Variants in PTPRM observed in about 807,000 individuals in gnomAD.
The protein encoded by PTPRM is protein tyrosine phosphatase receptor type M, also known as receptor-type tyrosine-protein phosphatase mu.
Under a neutral mutation model 186.7 loss-of-function variants are expected in PTPRM, and 47 were observed. The observed-to-expected ratio is 0.25, with a 90% CI of 0.20 to 0.32. PTPRM has a LOEUF of 0.32. PTPRM is among the 10% of genes least tolerant of loss of function. The pLI is 1.00. For synonymous variants in PTPRM, 668 were observed against 674.9 expected (o/e 0.99, Z 0.16); for missense variants, 1,494 against 1,865.0 (o/e 0.80, Z 3.66).
chr18:8,345,710 A>T (rs541768122), intron 23 of PTPRM, among the ~76,000 whole-genome samples: 1 of 151,654 alleles, frequency 6.6e-6, no homozygotes, highest in Admixed American at 6.6e-5. Context: ...AATTATTCTA[A>T]GAGAACAGAA....
chr18:7,768,205 A>G (rs944423545), intron 1 of PTPRM, among the ~76,000 whole-genome samples: 2 of 152,164 alleles, frequency 1.3e-5, no homozygotes, highest in Non-Finnish European at 2.9e-5. Context: ...TTGATTTCTA[A>G]AACATGTAGG....
chr18:8,051,483 A>G (rs1293594348), intron 7 of PTPRM, among the ~76,000 whole-genome samples: 1 of 152,152 alleles, frequency 6.6e-6, no homozygotes, highest in African/African-American at 2.4e-5. Context: ...CTTCATTTTT[A>G]TGTAAATTTT....
chr18:7,718,770 A>G (rs2040391720), intron 1 of PTPRM, among the ~76,000 whole-genome samples: 1 of 152,228 alleles, frequency 6.6e-6, no homozygotes, highest in South Asian at 2.1e-4. Context: ...ATGATTCTTA[A>G]AAGAAGATAT....
chr18:7,703,228 C>A (rs555239795), intron 1 of PTPRM, among the ~76,000 whole-genome samples: 1 of 151,998 alleles, frequency 6.6e-6, no homozygotes, highest in African/African-American at 2.4e-5. Context: ...TAGCTTGATG[C>A]GGATAGCATT....
chr18:8,337,732 T>A (rs1300543903), intron 22 of PTPRM, among the ~76,000 whole-genome samples: 1 of 152,146 alleles, frequency 6.6e-6, no homozygotes, highest in African/African-American at 2.4e-5. Flanking sequence ...CAAGGAGATG[T>A]GCAGGCTTTA....
chr18:7,856,464 G>A (rs1011633628), intron 2 of PTPRM, among the ~76,000 whole-genome samples: 1 of 152,142 alleles, frequency 6.6e-6, no homozygotes, highest in Non-Finnish European at 1.5e-5. Flanking sequence ...ACAGCAGGCC[G>A]GGTGCCATGG....
At chr18:8,116,858 A>G (rs1018109058) in intron 13 of PTPRM, among the ~76,000 whole-genome samples, 6 of 152,100 alleles carry the variant, frequency 3.9e-5, no homozygotes, top group Non-Finnish European at 7.4e-5. Flanking sequence ...CCCCACTCCT[A>G]TTTTCTGAGT....
intron 14 of PTPRM, among the ~76,000 whole-genome samples, chr18:8,242,081 G>C (rs143078822): frequency 0.013 from 1,999 of 152,274 alleles, 43 homozygotes; most frequent in African/African-American, 0.045. Context: ...AAGAAGCACA[G>C]TACCTGTCAT....
In PTPRM at chr18:7,949,293, G is replaced by A. The variant is rs1433442393; in HGVS notation, c.776G>A (p.Arg259His). ...NTTKRDAGKY[R>H]CMIRTEGGVG... The stretch of plus-strand genomic sequence containing the variant: ...ACCAAACGAGATGCTGGAAAGTACC[G>A]CTGCATGATTCGCACTGAAGGAGGT... Residue 259 changes from arginine (R) to histidine (H), a missense_variant, in exon 6 of 33, where the codon CGC (arginine) becomes CAC (histidine). By Grantham distance (29) the Arg-to-His change is conservative. Transcript: ENST00000580170. 1.9e-6 allele frequency: 3 copies of A among 1,613,940 alleles called. No individual in the cohort carries two copies. Among genetic ancestry groups the A allele is most frequent in the Admixed American group, 1.7e-5 (1 of 59,994 alleles).
intron 1 of PTPRM, among the ~76,000 whole-genome samples, chr18:7,731,289 A>G (rs1308479102): frequency 1.3e-5 from 2 of 152,104 alleles, no homozygotes; most frequent in African/African-American, 2.4e-5. Flanking sequence ...ACTGGTAATA[A>G]TCAATATCAG....
intron 1 of PTPRM, among the ~76,000 whole-genome samples, chr18:7,653,118 T>TTATTATTA (rs2038758650): frequency 6.9e-6 from 1 of 145,506 alleles, no homozygotes; most frequent in African/African-American, 2.5e-5. Flanking sequence ...CACTATGTAC[T>TTATTATTA]TTATTATTAT....
intron 2 of PTPRM, among the ~76,000 whole-genome samples, chr18:7,847,898 G>A (rs931680870): frequency 6.6e-6 from 1 of 152,204 alleles, no homozygotes; most frequent in Middle Eastern, 3.2e-3. Context: ...CCTCAAGGGA[G>A]TGGACACTAA....
At chr18:8,399,411 A>C (rs991313575) in intron 32 of PTPRM, among the ~76,000 whole-genome samples, 1 of 152,236 alleles carries the variant, frequency 6.6e-6, no homozygotes, top group African/African-American at 2.4e-5. Context: ...GGCCTCATCC[A>C]AACAGTGGCC....
At chr18:8,133,733 A>T (rs565758691) in intron 13 of PTPRM, among the ~76,000 whole-genome samples, 230 of 152,254 alleles carry the variant, frequency 1.5e-3, no homozygotes, top group African/African-American at 5.1e-3. Flanking sequence ...AGGGTGGCAT[A>T]ATATTAGGAA....
intron 14 of PTPRM, among the ~76,000 whole-genome samples, chr18:8,174,672 G>C (rs1035094245): frequency 2.0e-5 from 3 of 152,092 alleles, no homozygotes; most frequent in Non-Finnish European, 4.4e-5. Flanking sequence ...CTTGCTACCT[G>C]AGTAAGAATG....
At chr18:7,883,959 A>G (rs1373160504) in intron 2 of PTPRM, among the ~76,000 whole-genome samples, 1 of 151,970 alleles carries the variant, frequency 6.6e-6, no homozygotes, top group Non-Finnish European at 1.5e-5. Flanking sequence ...TGGGCAACAT[A>G]GTAAGACCCT....
At chr18:7,614,601 T>C (rs1281116462) in intron 1 of PTPRM, among the ~76,000 whole-genome samples, 1 of 152,196 alleles carries the variant, frequency 6.6e-6, no homozygotes, top group Non-Finnish European at 1.5e-5. Flanking sequence ...CCAATCTGTT[T>C]AATAATCTGA....
intron 1 of PTPRM, among the ~76,000 whole-genome samples, chr18:7,717,960 C>T (rs1335955225): frequency 6.6e-6 from 1 of 152,008 alleles, no homozygotes; most frequent in South Asian, 2.1e-4. Context: ...TTGAGAGTGG[C>T]GGGCTAAGTA....
chr18:8,167,046 T>C (rs993775549), intron 14 of PTPRM, among the ~76,000 whole-genome samples: 3 of 152,216 alleles, frequency 2.0e-5, no homozygotes, highest in Admixed American at 1.3e-4. Flanking sequence ...TAAGCTACTC[T>C]TGGACACAGG....
Sources: allele counts gnomAD v4.1 joint callset (sites outside exome capture counted in the v4.1 genomes callset), GRCh38; gene constraint gnomAD v4.1.1; transcripts MANE v1.5; gene names NCBI Gene and HGNC (gene_info 2026-07-23, HGNC 2026-07-21).